The following INPP4B variants were observed in gnomAD, a reference collection of about 807,000 sequenced individuals.
INPP4B encodes inositol polyphosphate-4-phosphatase type II B.
In INPP4B, 55 loss-of-function variants were observed where a neutral mutation model predicts 122.5. The ratio of observed to expected loss-of-function variants is 0.45; its 90% CI spans 0.36 to 0.56. The LOEUF (loss-of-function observed/expected upper bound fraction) is 0.56. Among genes scored for constraint, INPP4B ranks in the 20% least tolerant of loss-of-function variants. The probability of loss-of-function intolerance (pLI) is 0.00; values close to 1 mark genes in which losing one functional copy is unlikely to be tolerated. For missense variants in INPP4B, 1,000 were observed against 1,097.7 expected (o/e 0.91, Z 1.26); for synonymous variants, 403 against 388.7 (o/e 1.04, Z -0.43).
intron 2 of INPP4B, among the ~76,000 whole-genome samples, chr4:142,648,313 C>A (rs1040112614): frequency 6.6e-6 from 1 of 152,192 alleles, no homozygotes; most frequent in Admixed American, 6.5e-5. Context: ...CTCACAGGGA[C>A]TGGTTGGACA....
chr4:142,508,577 A>C (rs1824318900), intron 2 of INPP4B, among the ~76,000 whole-genome samples: 1 of 152,182 alleles, frequency 6.6e-6, no homozygotes, highest in South Asian at 2.1e-4. Context: ...CCCGGCTTAC[A>C]ATAGTCTTGT....
chr4:142,608,671 C>T (rs752949837), intron 2 of INPP4B, among the ~76,000 whole-genome samples: 2 of 152,124 alleles, frequency 1.3e-5, no homozygotes, highest in Non-Finnish European at 2.9e-5. Context: ...CTACTCTGTA[C>T]AACACCCTCC....
rs143061925 is a variant in INPP4B at position 142,163,080 on chromosome 4, T to C, written c.1360-2519A>G. 4.2e-3 allele frequency among the ~76,000 whole-genome samples: 641 copies of C among 151,996 alleles called. 14 individuals are homozygous for C. The highest frequency in any genetic ancestry group is 0.035 in the Admixed American group (527 of 15,230). On this transcript the variant is annotated intron_variant, in intron 16 of 25. Transcript: ENST00000262992. ...AAATAAATCAGCTTGAAAAGATTAA[T>C]GTAGTCACTAAATCCCAACACAGCT... is the stretch of plus-strand genomic sequence containing the variant.
chr4:142,769,749 T>C (rs1016091454), intron 1 of INPP4B, among the ~76,000 whole-genome samples: 1 of 151,870 alleles, frequency 6.6e-6, no homozygotes, highest in African/African-American at 2.4e-5. Flanking sequence ...ACCCCATCTC[T>C]ACTAAAATAC....
intron 7 of INPP4B, among the ~76,000 whole-genome samples, chr4:142,380,363 C>G (rs914748469): frequency 3.9e-5 from 6 of 152,160 alleles, no homozygotes; most frequent in Non-Finnish European, 7.4e-5. Context: ...CTGCTTCATT[C>G]TCTACAGACG....
chr4:142,243,103 C>T lies in INPP4B; in HGVS notation c.689-5092G>A, dbSNP rs575144450. Among the ~76,000 whole-genome samples the T allele has an allele frequency of 2.6e-5, 4 of 152,246 alleles. No homozygotes were observed. In the South Asian group the frequency reaches 6.2e-4, roughly 24 times the overall value. On this transcript the variant is annotated intron_variant, in intron 11 of 25. Coordinates refer to ENST00000262992, the MANE Select transcript of INPP4B (RefSeq NM_001101669.3). ...CAAGACGGAAGAGCATAATTAAAAG[C>T]CCCAATGCAAGAGAGAGCACAGGGA...
intron 2 of INPP4B, among the ~76,000 whole-genome samples, chr4:142,705,750 A>G (rs1762402539): frequency 6.6e-6 from 1 of 152,172 alleles, no homozygotes; most frequent in Non-Finnish European, 1.5e-5. Flanking sequence ...TATAAACTCC[A>G]GTCTCACAGG....
chr4:142,213,221 G>T (rs1330105597), intron 12 of INPP4B, among the ~76,000 whole-genome samples: 1 of 152,180 alleles, frequency 6.6e-6, no homozygotes, highest in African/African-American at 2.4e-5. Flanking sequence ...AGGACAAATT[G>T]CTGCCCACTC....
intron 1 of INPP4B, among the ~76,000 whole-genome samples, chr4:142,806,654 G>T (rs551270636): frequency 2.9e-4 from 44 of 151,798 alleles, no homozygotes; most frequent in African/African-American, 1.1e-3. Context: ...TGAGATGGAA[G>T]GATCACTTGA....
intron 9 of INPP4B, among the ~76,000 whole-genome samples, chr4:142,290,094 G>A (rs922441893): frequency 4.6e-5 from 7 of 151,082 alleles, no homozygotes; most frequent in East Asian, 3.9e-4. Context: ...ACTCTGCTAT[G>A]GCTCCAAGCT....
At chr4:142,384,349 G>A (rs982648659) in intron 7 of INPP4B, among the ~76,000 whole-genome samples, 2 of 152,172 alleles carry the variant, frequency 1.3e-5, no homozygotes, top group African/African-American at 4.8e-5. Context: ...TTTTGTCATT[G>A]TGTGAACTTT....
At chr4:142,055,029 G>C in intron 25 of INPP4B, among the ~76,000 whole-genome samples, 1 of 152,058 alleles carries the variant, frequency 6.6e-6, no homozygotes, top group East Asian at 1.9e-4. Flanking sequence ...GTGTGTGCAT[G>C]TGTGTATGTT....
intron 15 of INPP4B, among the ~76,000 whole-genome samples, chr4:142,189,817 G>A (rs544361732): frequency 2.0e-5 from 3 of 152,290 alleles, no homozygotes; most frequent in African/African-American, 7.2e-5. Flanking sequence ...AATCATGGAT[G>A]CTTTGAATGC....
intron 25 of INPP4B, among the ~76,000 whole-genome samples, chr4:142,053,684 A>G (rs765417107): frequency 1.1e-4 from 16 of 152,062 alleles, no homozygotes; most frequent in Non-Finnish European, 1.8e-4. Flanking sequence ...CCAAGAAACC[A>G]TGAATGATAA....
intron 1 of INPP4B, among the ~76,000 whole-genome samples, chr4:142,782,436 T>G (rs1453365047): frequency 1.3e-5 from 2 of 151,870 alleles, no homozygotes; most frequent in Non-Finnish European, 2.9e-5. Context: ...AGTGCCACAA[T>G]AAACATACGT....
chr4:142,353,193 C>A (rs1782463385), intron 7 of INPP4B, among the ~76,000 whole-genome samples: 1 of 151,972 alleles, frequency 6.6e-6, no homozygotes. Context: ...CTTATTAAAA[C>A]GTCTACAGGT....
intron 2 of INPP4B, among the ~76,000 whole-genome samples, chr4:142,567,185 A>T (rs2150144516): frequency 6.6e-6 from 1 of 152,328 alleles, no homozygotes; most frequent in Non-Finnish European, 1.5e-5. Context: ...TCCTATATAA[A>T]TTGGCAAAAG....
chr4:142,724,511 A>G (rs1765095325), intron 2 of INPP4B, among the ~76,000 whole-genome samples: 1 of 152,108 alleles, frequency 6.6e-6, no homozygotes, highest in Non-Finnish European at 1.5e-5. Context: ...CCTCTTCCAC[A>G]TATTGTCTAG....
At chr4:142,725,947 T>A (rs1765296120) in intron 1 of INPP4B, 46 bp from the exon 2 acceptor site, 1 of 397,408 alleles carries the variant, frequency 2.5e-6, no homozygotes, top group African/African-American at 2.1e-5. Context: ...CCTTTCTTTT[T>A]TCCTCTTTAA....
Sources: allele counts gnomAD v4.1 joint callset (sites outside exome capture counted in the v4.1 genomes callset), GRCh38; gene constraint gnomAD v4.1.1; transcripts MANE v1.5; gene names NCBI Gene and HGNC (gene_info 2026-07-23, HGNC 2026-07-21).